SNX7: variants seen among roughly 807,000 people sequenced by gnomAD.
SNX7 encodes sorting nexin 7, also known as sorting nexin-7.
SNX7 carries 35 observed loss-of-function variants against 48.4 expected under a neutral mutation model. The ratio of observed to expected loss-of-function variants is 0.72; its 90% CI spans 0.55 to 0.96. SNX7 has a LOEUF of 0.96. Ranked by LOEUF, SNX7 falls within the 40% of genes least tolerant of loss-of-function variation. The pLI, the probability that SNX7 is intolerant of heterozygous loss-of-function variation, is 0.00. For missense variants in SNX7, 553 were observed against 548.9 expected (o/e 1.01, Z -0.07); for synonymous variants, 190 against 190.2 (o/e 1.00, Z 0.01).
At chr1:98,738,505 T>G in intron 8 of SNX7, 116 bp downstream of exon 8, 1 of 981,214 alleles carries the variant, frequency 1.0e-6, no homozygotes, top group Non-Finnish European at 1.5e-6. Flanking sequence ...AATGCCTCTC[T>G]GGTAGCTTGG....
intron 7 of SNX7, among the ~76,000 whole-genome samples, chr1:98,712,305 A>C (rs1470003922): frequency 1.3e-5 from 2 of 152,164 alleles, no homozygotes; most frequent in African/African-American, 4.8e-5. Context: ...GGGAATCACA[A>C]TCTATGGCAG....
chr1:98,741,632 T>G (rs972435226), intron 8 of SNX7, among the ~76,000 whole-genome samples: 5 of 152,088 alleles, frequency 3.3e-5, no homozygotes, highest in Non-Finnish European at 5.9e-5. Context: ...TTGAGCAGGG[T>G]GAATGATTTC....
At chr1:98,716,492 T>G (rs1489245396) in intron 7 of SNX7, among the ~76,000 whole-genome samples, 1 of 152,166 alleles carries the variant, frequency 6.6e-6, no homozygotes, top group Non-Finnish European at 1.5e-5. Context: ...AGGAAGAGTT[T>G]ATAGTTGCTC....
intron 8 of SNX7, among the ~76,000 whole-genome samples, chr1:98,752,348 G>T (rs12403305): frequency 0.26 from 40,022 of 151,832 alleles, 5,578 homozygotes; most frequent in Middle Eastern, 0.31. Context: ...TGATATATGT[G>T]CAGGATATCA....
chr1:98,743,195 T>C (rs1252311067), intron 8 of SNX7, among the ~76,000 whole-genome samples: 1 of 151,986 alleles, frequency 6.6e-6, no homozygotes, highest in African/African-American at 2.4e-5. Flanking sequence ...ATCAAAGCCC[T>C]GTGCTAATAA....
intron 2 of SNX7, among the ~76,000 whole-genome samples, chr1:98,687,038 A>G (rs556820441): frequency 1.3e-5 from 2 of 152,296 alleles, no homozygotes; most frequent in East Asian, 3.9e-4. Flanking sequence ...TAATAGTAGT[A>G]GTAATAATAA....
At chr1:98,678,802 T>C (rs892485901) in intron 1 of SNX7, among the ~76,000 whole-genome samples, 2 of 152,226 alleles carry the variant, frequency 1.3e-5, no homozygotes, top group Admixed American at 6.5e-5. Context: ...TATAGTCATA[T>C]AATTAATTTA....
intron 8 of SNX7, among the ~76,000 whole-genome samples, chr1:98,747,001 T>TA (rs1570605833): frequency 6.6e-6 from 1 of 152,176 alleles, no homozygotes; most frequent in East Asian, 1.9e-4. Context: ...GGTGACCTCT[T>TA]AATTAATTTT....
intron 1 of SNX7, among the ~76,000 whole-genome samples, chr1:98,667,096 T>G (rs1649574456): frequency 6.6e-6 from 1 of 152,242 alleles, no homozygotes; most frequent in Non-Finnish European, 1.5e-5. Context: ...CCTGAATTCC[T>G]GCATAAACCA....
chr1:98,695,394 A>G, intron 4 of SNX7, 124 bp from the exon 5 acceptor site: 1 of 858,590 alleles, frequency 1.2e-6, no homozygotes. Flanking sequence ...CTAACATTAA[A>G]AAAGATTGAT....
At chr1:98,673,964 AG>A (rs1650019324) in intron 1 of SNX7, among the ~76,000 whole-genome samples, 1 of 152,232 alleles carries the variant, frequency 6.6e-6, no homozygotes, top group Admixed American at 6.5e-5. Context: ...TTGAATTTGT[AG>A]TGAGATCTTC....
chr1:98,729,498 T>TTC (rs1653375417), intron 7 of SNX7, among the ~76,000 whole-genome samples: 1 of 150,566 alleles, frequency 6.6e-6, no homozygotes, highest in African/African-American at 2.4e-5. Context: ...AGGAGCTGAT[T>TTC]TTTTTTTTGA....
Position 98,698,899 on chromosome 1 carries a change from G to T in SNX7, c.1032G>T (p.Met344Ile), listed in dbSNP as rs746275861. 1.2e-5 allele frequency: 19 copies of T among 1,613,294 alleles called. No individual in the cohort carries two copies. The South Asian group carries it at 2.0e-4, about 17-fold the overall frequency. The change falls in exon 6 of 9, where the codon ATG becomes ATT. Residue 344 changes from methionine to isoleucine, a missense_variant. Met to Ile is a conservative substitution (Grantham distance 10, BLOSUM62 1). Transcript: ENST00000306121. ...VVHEYVLYSE[M>I]LMGVMKRRDQ... ...ATGAGTACGTGCTTTATAGTGAAAT[G>T]TTAATGGTAAGAACACCTAATTCTA... is the stretch of plus-strand genomic sequence containing the variant.
At chr1:98,689,210 T>A (rs1650976891) in intron 2 of SNX7, among the ~76,000 whole-genome samples, 1 of 152,170 alleles carries the variant, frequency 6.6e-6, no homozygotes. Flanking sequence ...CTTACAGTGA[T>A]CAAATTTGTC....
At position 98,698,890 on chromosome 1, in the gene SNX7, T is replaced by C. The variant is rs752128019; in HGVS notation, c.1023T>C (p.Tyr341=). ...LLPVVHEYVL[Y]SEMLMGVMKR... ...CTGTTGTACATGAGTACGTGCTTTA[T>C]AGTGAAATGTTAATGGTAAGAACAC... The change falls in exon 6 of 9, where the codon TAT becomes TAC. Residue 341 remains tyrosine, a synonymous_variant. Coordinates refer to ENST00000306121, the MANE Select transcript of SNX7 (RefSeq NM_015976.5). The C allele has an allele frequency of 5.0e-6, 8 of 1,613,600 alleles. No homozygotes were observed. The highest frequency in any genetic ancestry group is 1.1e-5 in the South Asian group (1 of 91,072).
chr1:98,667,195 A>C (rs1649580239), intron 1 of SNX7, among the ~76,000 whole-genome samples: 1 of 152,354 alleles, frequency 6.6e-6, no homozygotes, highest in Admixed American at 6.5e-5. Flanking sequence ...AACTATAACA[A>C]TAGCTAATAG....
chr1:98,686,332 T>C (rs578165109), intron 2 of SNX7, among the ~76,000 whole-genome samples: 44 of 152,234 alleles, frequency 2.9e-4, no homozygotes, highest in African/African-American at 1.0e-3. Context: ...TTTTTTTAAA[T>C]CAATGAAACT....
intron 7 of SNX7, among the ~76,000 whole-genome samples, chr1:98,737,246 A>G (rs1458613809): frequency 6.6e-6 from 1 of 152,062 alleles, no homozygotes; most frequent in Admixed American, 6.6e-5. Flanking sequence ...TATTTATTCA[A>G]GTCATACTTA....
chr1:98,668,227 G>A (rs1289302151), intron 1 of SNX7, among the ~76,000 whole-genome samples: 2 of 152,168 alleles, frequency 1.3e-5, no homozygotes, highest in Non-Finnish European at 2.9e-5. Context: ...CATTCCTAGT[G>A]GTTTTCAGTG....
Sources: gnomAD v4.1 joint callset for allele counts (sites outside exome capture counted in the v4.1 genomes callset) on GRCh38, gnomAD v4.1.1 for gene constraint, MANE v1.5 for transcripts, NCBI Gene and HGNC (gene_info 2026-07-23, HGNC 2026-07-21) for gene names.